The following PSMA8 variants were observed in gnomAD, a reference collection of about 807,000 sequenced individuals.
The protein encoded by PSMA8 is proteasome subunit alpha-type 8.
In PSMA8, 18 loss-of-function variants were observed where a neutral mutation model predicts 32.4. That is an observed-to-expected ratio of 0.56 (90% CI 0.38 to 0.82). The LOEUF is 0.82. Ranked by LOEUF, PSMA8 falls within the 40% of genes least tolerant of loss-of-function variation. The pLI is 0.00. For synonymous variants in PSMA8, 104 were observed against 98.1 expected, an observed-to-expected ratio of 1.06 and a Z score of -0.36; for missense variants, 298 against 300.7, an observed-to-expected ratio of 0.99 and a Z score of 0.07.
chr18:26,192,240 AT>A, intron 6 of PSMA8, 78 bp from the exon 7 acceptor site: 2 of 1,117,566 alleles, frequency 1.8e-6, no homozygotes, highest in Non-Finnish European at 2.3e-6. Flanking sequence ...AATTTATTAA[AT>A]ATTGGAATTC....
At chr18:26,181,341 G>A (rs2055309400) in intron 6 of PSMA8, among the ~76,000 whole-genome samples, 1 of 152,106 alleles carries the variant, frequency 6.6e-6, no homozygotes, top group Non-Finnish European at 1.5e-5. Flanking sequence ...AATAAATGTT[G>A]CATGTGTTCT....
chr18:26,166,921 A>G (rs530196983), intron 4 of PSMA8, among the ~76,000 whole-genome samples: 10 of 152,234 alleles, frequency 6.6e-5, no homozygotes, highest in Non-Finnish European at 1.3e-4. Context: ...AAGCATGATT[A>G]TTTAATGTTT....
At chr18:26,143,599 G>A (rs1018107173) in intron 1 of PSMA8, among the ~76,000 whole-genome samples, 1 of 152,196 alleles carries the variant, frequency 6.6e-6, no homozygotes, top group African/African-American at 2.4e-5. Context: ...TTTTTGAACT[G>A]AATGGTGGTA....
chr18:26,146,632 G>A (rs547938160), intron 2 of PSMA8, among the ~76,000 whole-genome samples: 3 of 152,170 alleles, frequency 2.0e-5, no homozygotes, highest in South Asian at 2.1e-4. Context: ...GGATGGTGGC[G>A]TGTGCCTATA....
chr18:26,171,251 G>A, intron 4 of PSMA8: 1 of 1,560,072 alleles, frequency 6.4e-7, no homozygotes, highest in Non-Finnish European at 8.5e-7. Flanking sequence ...CCATGTTCTG[G>A]GACACAGCGA....
At chr18:26,170,628 T>A (rs2055212812) in intron 4 of PSMA8, 1 of 806,552 alleles carries the variant, frequency 1.2e-6, no homozygotes, top group Non-Finnish European at 1.8e-6. Context: ...GAAATAATTA[T>A]AGATCTAAAG....
chr18:26,192,195 A>G (rs2055409236), intron 6 of PSMA8, 124 bp from the exon 7 acceptor site: 2 of 857,216 alleles, frequency 2.3e-6, no homozygotes, highest in Non-Finnish European at 3.2e-6. Flanking sequence ...GTATATTTGA[A>G]GTTACAAAAT....
At chr18:26,158,818 T>A (rs939957453) in intron 4 of PSMA8, among the ~76,000 whole-genome samples, 18 of 152,256 alleles carry the variant, frequency 1.2e-4, no homozygotes, top group Middle Eastern at 6.8e-3. Flanking sequence ...TACAAAAGTA[T>A]AGGGCTCAGC....
chr18:26,174,617 G>A (rs75734230), intron 4 of PSMA8, among the ~76,000 whole-genome samples: 1 of 152,100 alleles, frequency 6.6e-6, no homozygotes, highest in Non-Finnish European at 1.5e-5. Flanking sequence ...GCCCCACCCT[G>A]ATTAATGATG....
intron 1 of PSMA8, among the ~76,000 whole-genome samples, chr18:26,137,808 C>G (rs1271407892): frequency 1.3e-5 from 2 of 152,032 alleles, no homozygotes; most frequent in African/African-American, 2.4e-5. Flanking sequence ...TAAGAAAACC[C>G]GAATGAGTAT....
At chr18:26,157,485 T>A (rs890160205) in intron 3 of PSMA8, among the ~76,000 whole-genome samples, 5 of 152,126 alleles carry the variant, frequency 3.3e-5, no homozygotes, top group African/African-American at 1.2e-4. Flanking sequence ...TTCTACTCCT[T>A]AGAGCACAAA....
At chr18:26,176,802 A>G (rs543116915) in intron 4 of PSMA8, among the ~76,000 whole-genome samples, 2 of 152,170 alleles carry the variant, frequency 1.3e-5, no homozygotes, top group African/African-American at 4.8e-5. Flanking sequence ...GCATGGTGGC[A>G]GACACCTATA....
At chr18:26,147,706 A>T (rs1218438166) in intron 2 of PSMA8, among the ~76,000 whole-genome samples, 6 of 152,210 alleles carry the variant, frequency 3.9e-5, no homozygotes. Flanking sequence ...AAAAAGAAGT[A>T]TAAAGATCAG....
rs2055216870 is a variant in PSMA8, at chr18:26,171,100, C to T, written c.478-7730C>T. On this transcript the variant is annotated intron_variant, in intron 4 of 6. Transcript: ENST00000415576. ...CTACCCTTTAAAGGTCGATTCTTCT[C>T]AGGAATGGAGAACCAGGTCTTCTTA... The T allele has an allele frequency of 8.3e-6, 13 of 1,559,598 alleles. 3 individuals carry two copies. Among genetic ancestry groups the T allele is most frequent in the Non-Finnish European group, 1.1e-5 (13 of 1,170,372 alleles).
intron 6 of PSMA8, among the ~76,000 whole-genome samples, chr18:26,185,227 ATGCTTTT>A (rs1415858226): frequency 6.6e-6 from 1 of 150,800 alleles, no homozygotes; most frequent in Non-Finnish European, 1.5e-5. Context: ...GTTAGAACAA[ATGCTTTT>A]GTCTATAAGT....
At chr18:26,182,351 C>T (rs1024196246) in intron 6 of PSMA8, among the ~76,000 whole-genome samples, 3 of 152,196 alleles carry the variant, frequency 2.0e-5, no homozygotes, top group Non-Finnish European at 4.4e-5. Context: ...CACCTCACTG[C>T]CTGGCTTCAA....
intron 4 of PSMA8, among the ~76,000 whole-genome samples, chr18:26,162,797 C>T (rs867121201): frequency 6.6e-5 from 10 of 151,908 alleles, no homozygotes; most frequent in South Asian, 2.1e-4. Context: ...ACCCAGGAGG[C>T]GGAGCTTGCA....
chr18:26,188,326 T>G (rs966037429), intron 6 of PSMA8, among the ~76,000 whole-genome samples: 3 of 116,288 alleles, frequency 2.6e-5, no homozygotes, highest in African/African-American at 6.3e-5. Context: ...AGTGCCCACA[T>G]CAAAAAAGGA....
intron 1 of PSMA8, among the ~76,000 whole-genome samples, chr18:26,135,307 G>A (rs1370839979): frequency 2.0e-5 from 3 of 152,150 alleles, no homozygotes; most frequent in Non-Finnish European, 4.4e-5. Flanking sequence ...AATTTCATGA[G>A]CATGTTTGTT....
Sources: allele counts gnomAD v4.1 joint callset (sites outside exome capture counted in the v4.1 genomes callset), GRCh38; gene constraint gnomAD v4.1.1; transcripts MANE v1.5; gene names NCBI Gene and HGNC (gene_info 2026-07-23, HGNC 2026-07-21).